The following ANP32B variants were observed in gnomAD, a reference collection of about 807,000 sequenced individuals.
ANP32B encodes the protein acidic leucine-rich nuclear phosphoprotein 32 family member B.
In ANP32B, 6 loss-of-function variants were observed where a neutral mutation model predicts 32.2. That is an observed-to-expected ratio of 0.19 (90% confidence interval 0.10 to 0.37). The LOEUF is 0.37. Among genes scored for constraint, ANP32B ranks in the 10% least tolerant of loss-of-function variants. ANP32B has a pLI of 1.00. For missense variants in ANP32B, 204 were observed against 289.2 expected, an observed-to-expected ratio of 0.71 and a Z score of 2.14; for synonymous variants, 98 against 105.8, an observed-to-expected ratio of 0.93 and a Z score of 0.45.
intron 1 of ANP32B, among the ~76,000 whole-genome samples, chr9:97,990,881 G>A (rs896134553): frequency 9.8e-5 from 14 of 143,528 alleles, no homozygotes; most frequent in African/African-American, 2.3e-4. Context: ...GTGCGGTGGC[G>A]CAATCTTGGC....
chr9:98,004,928 G>T, intron 3 of ANP32B, 36 bp from the exon 4 acceptor site: 1 of 1,531,846 alleles, frequency 6.5e-7, no homozygotes, highest in Non-Finnish European at 8.9e-7. Context: ...ATATTCCTTT[G>T]GTTTAGGAGT....
chr9:98,006,913 G>A (rs1828094672), intron 4 of ANP32B, among the ~76,000 whole-genome samples: 1 of 152,084 alleles, frequency 6.6e-6, no homozygotes, highest in Non-Finnish European at 1.5e-5. Flanking sequence ...GCTTGAACCT[G>A]GGAGGCGGAG....
intron 4 of ANP32B, among the ~76,000 whole-genome samples, chr9:98,005,592 A>G (rs902985914): frequency 6.6e-6 from 1 of 151,974 alleles, no homozygotes; most frequent in Non-Finnish European, 1.5e-5. Context: ...GCACGCGTGT[A>G]TTTTTTGAAT....
chr9:98,014,880 G>A (rs1034012448), intron 6 of ANP32B, among the ~76,000 whole-genome samples: 1 of 152,186 alleles, frequency 6.6e-6, no homozygotes, highest in Non-Finnish European at 1.5e-5. Context: ...ATCATCCAGA[G>A]TAGCTGGGAT....
chr9:98,004,879 C>A, intron 3 of ANP32B, 85 bp from the exon 4 acceptor site: 2 of 1,080,854 alleles, frequency 1.9e-6, no homozygotes, highest in Non-Finnish European at 2.6e-6. Context: ...GAATATAGAG[C>A]CTAGAATTTT....
At chr9:98,012,515 T>G (rs750412503) in intron 6 of ANP32B, 43 bp downstream of exon 6, 4 of 1,604,252 alleles carry the variant, frequency 2.5e-6, no homozygotes, top group Non-Finnish European at 3.4e-6. Flanking sequence ...AGTTAAAAAT[T>G]AGAGAAAAAC....
At chr9:97,986,609 ACT>A (rs1827739102) in intron 1 of ANP32B, 1 of 152,182 alleles carries the variant, frequency 6.6e-6, no homozygotes, top group Non-Finnish European at 1.5e-5. Context: ...TTTGGAGATC[ACT>A]CTCTTAAAAT....
intron 3 of ANP32B, among the ~76,000 whole-genome samples, chr9:98,003,990 T>TG (rs1352960053): frequency 6.6e-6 from 1 of 152,230 alleles, no homozygotes; most frequent in East Asian, 1.9e-4. Flanking sequence ...CACTTCCTGT[T>TG]GCTGTCTCCT....
chr9:97,984,190 C>T (rs1212166764), intron 1 of ANP32B, among the ~76,000 whole-genome samples: 1 of 150,428 alleles, frequency 6.6e-6, no homozygotes, highest in East Asian at 2.0e-4. Flanking sequence ...CGAGAAGCCC[C>T]CTCGGGCGCC....
chr9:97,996,439 C>T (rs566934756), intron 2 of ANP32B, among the ~76,000 whole-genome samples: 6 of 152,142 alleles, frequency 3.9e-5, no homozygotes, highest in South Asian at 2.1e-4. Flanking sequence ...TGGGAGGGCA[C>T]GTTAAGTACA....
chr9:98,003,965 A>G (rs911258621), intron 3 of ANP32B, among the ~76,000 whole-genome samples: 3 of 152,198 alleles, frequency 2.0e-5, no homozygotes, highest in Admixed American at 6.5e-5. Flanking sequence ...TCTTCTATCT[A>G]CAAGGGTCTG....
chr9:98,003,377 T>C (rs1227213961), intron 3 of ANP32B, among the ~76,000 whole-genome samples: 3 of 152,164 alleles, frequency 2.0e-5, no homozygotes, highest in African/African-American at 7.2e-5. Context: ...AAGGGCCAAA[T>C]AGTAGGTTCA....
chr9:98,015,130 C>T (rs959376274), intron 6 of ANP32B, among the ~76,000 whole-genome samples: 1 of 152,154 alleles, frequency 6.6e-6, no homozygotes, highest in Non-Finnish European at 1.5e-5. Context: ...ACCTTAAAAT[C>T]GAGGAAACTG....
chr9:97,984,237 G>C (rs569869502), intron 1 of ANP32B, among the ~76,000 whole-genome samples: 3 of 151,020 alleles, frequency 2.0e-5, no homozygotes, highest in Non-Finnish European at 4.4e-5. Flanking sequence ...CGCGCGGAGC[G>C]GGGGAGGGGC....
chr9:97,984,658 G>A (rs1455713198), intron 1 of ANP32B: 1 of 150,742 alleles, frequency 6.6e-6, no homozygotes, highest in Non-Finnish European at 1.5e-5. Context: ...CCTCGGCGCT[G>A]GCTGGCGGCC....
At chr9:97,997,282 T>C (rs1827920674) in intron 2 of ANP32B, among the ~76,000 whole-genome samples, 1 of 152,254 alleles carries the variant, frequency 6.6e-6, no homozygotes, top group African/African-American at 2.4e-5. Context: ...GAAAAAATGT[T>C]TTGAAATGTT....
chr9:97,991,454 A>G (rs543962425), intron 1 of ANP32B, among the ~76,000 whole-genome samples: 3 of 152,218 alleles, frequency 2.0e-5, no homozygotes, highest in Non-Finnish European at 4.4e-5. Context: ...TGTGTCTTTT[A>G]GAGCTTGTCT....
intron 6 of ANP32B, among the ~76,000 whole-genome samples, chr9:98,013,634 C>CA (rs1388463788): frequency 6.6e-6 from 1 of 152,068 alleles, no homozygotes; most frequent in Non-Finnish European, 1.5e-5. Flanking sequence ...TGTGGTGACT[C>CA]ACGCCTGTTA....
intron 2 of ANP32B, among the ~76,000 whole-genome samples, chr9:97,996,670 T>C (rs1019584914): frequency 1.3e-5 from 2 of 152,138 alleles, no homozygotes; most frequent in African/African-American, 4.8e-5. Flanking sequence ...CTCGGCTCAC[T>C]GCAACCTCCG....
Sources: allele counts gnomAD v4.1 joint callset (sites outside exome capture counted in the v4.1 genomes callset), GRCh38; gene constraint gnomAD v4.1.1; transcripts MANE v1.5; gene names NCBI Gene and HGNC (gene_info 2026-07-23, HGNC 2026-07-21).